The following SIK3 variants were observed in gnomAD, a reference collection of about 807,000 sequenced individuals.
The protein encoded by SIK3 is SIK family kinase 3, also known as serine/threonine-protein kinase SIK3.
SIK3 carries 28 observed loss-of-function variants against 144.2 expected under a neutral mutation model. The observed-to-expected ratio is 0.19, with a 90% CI of 0.14 to 0.27. The LOEUF is 0.27. SIK3 is among the 10% of genes least tolerant of loss of function. The pLI is 1.00. For synonymous variants in SIK3, 686 were observed against 676.3 expected (o/e 1.01, Z -0.22); for missense variants, 1,319 against 1,776.0 (o/e 0.74, Z 4.62).
At chr11:116,864,014 T>A in intron 15 of SIK3, 196 bp from the exon 16 acceptor site, 1 of 484,212 alleles carries the variant, frequency 2.1e-6, no homozygotes. Context: ...CAGGTGTACA[T>A]CTTCCATTTC....
rs773564219 is a variant in SIK3, at chr11:116,849,124, G to A, written c.3815C>T (p.Ala1272Val). 97 of 1,589,712 alleles carry A rather than the reference G, an allele frequency of 6.1e-5. 1 individual carries two copies. The Admixed American group carries it at 6.1e-4, about 10-fold the overall frequency. The change falls in exon 22 of 25, where the codon GCT becomes GTT. Residue 1272 changes from alanine to valine, a missense_variant. Coordinates refer to ENST00000445177, the MANE Select transcript of SIK3 (RefSeq NM_001366686.3). The surrounding 1 kb of genome is among the most constrained non-coding windows in gnomAD (Gnocchi z 4.2). ...RHHTIQNSDD[A>V]YVQLDNLPGM... ...CAGCAGGTGGGACCAACATACATAA[G>A]CATCGTCGCTGTTCTGGATCGTGTG...
chr11:116,937,628 C>A (rs1947991629), intron 3 of SIK3, among the ~76,000 whole-genome samples: 1 of 152,192 alleles, frequency 6.6e-6, no homozygotes, highest in Non-Finnish European at 1.5e-5. Context: ...CAATCAGTCT[C>A]TCCCCTCACT....
At chr11:116,875,103 T>G in intron 11 of SIK3, 55 bp downstream of exon 11, 2 of 1,397,846 alleles carry the variant, frequency 1.4e-6, no homozygotes, top group Non-Finnish European at 2.0e-6. Context: ...ACACTGAAAG[T>G]CAGGTGACAA....
chr11:116,912,171 A>G (rs1946383323), intron 4 of SIK3, among the ~76,000 whole-genome samples: 1 of 152,242 alleles, frequency 6.6e-6, no homozygotes, highest in Non-Finnish European at 1.5e-5. Context: ...ACAGAGCAGG[A>G]GACTTTAATT....
chr11:116,942,468 G>C (rs1948366236), intron 3 of SIK3, among the ~76,000 whole-genome samples: 1 of 151,972 alleles, frequency 6.6e-6, no homozygotes, highest in Non-Finnish European at 1.5e-5. Context: ...ACTCAAGACA[G>C]TAAAAAAACA....
chr11:116,896,431 G>T, intron 5 of SIK3, 55 bp from the exon 6 acceptor site: 2 of 1,587,688 alleles, frequency 1.3e-6, no homozygotes, highest in Middle Eastern at 1.8e-4. Flanking sequence ...AAACAAAAAA[G>T]ACTACTGTAG....
chr11:117,033,067 A>AT (rs1952332692), intron 1 of SIK3, among the ~76,000 whole-genome samples: 1 of 152,186 alleles, frequency 6.6e-6, no homozygotes, highest in African/African-American at 2.4e-5. Flanking sequence ...TTCTCCTGCC[A>AT]TCTCTCTCCA....
At chr11:117,092,346 T>C (rs1028022600) in intron 1 of SIK3, among the ~76,000 whole-genome samples, 1 of 152,108 alleles carries the variant, frequency 6.6e-6, no homozygotes, top group Non-Finnish European at 1.5e-5. Flanking sequence ...CTGTAAGGAA[T>C]CTTCTGTCTT....
chr11:117,014,630 T>C (rs1009104991), intron 1 of SIK3, among the ~76,000 whole-genome samples: 9 of 152,114 alleles, frequency 5.9e-5, no homozygotes, highest in South Asian at 2.1e-4. Flanking sequence ...GGCCAGGTAT[T>C]TCCTCAACAA....
chr11:116,986,144 C>G lies in SIK3; in HGVS notation c.274-29080G>C, dbSNP rs375669811. ...TCCTCCTTTCTCTGAAGAACAATTT[C>G]TAAAAATTATACTCTAAACTTCTGG... On this transcript the variant is annotated intron_variant, in intron 1 of 24. Transcript: ENST00000445177. 1.8e-4 allele frequency among the ~76,000 whole-genome samples: 28 copies of G among 152,286 alleles called. 2 individuals carry two copies. Among genetic ancestry groups the G allele is most frequent in the Admixed American group, 1.2e-3 (18 of 15,292 alleles).
At chr11:116,900,758 A>C (rs569648598) in intron 4 of SIK3, among the ~76,000 whole-genome samples, 1 of 152,318 alleles carries the variant, frequency 6.6e-6, no homozygotes, top group Admixed American at 6.5e-5. Flanking sequence ...GATTTCCACC[A>C]GAAAACACCA....
At chr11:117,001,737 T>C (rs932557983) in intron 1 of SIK3, among the ~76,000 whole-genome samples, 1 of 152,176 alleles carries the variant, frequency 6.6e-6, no homozygotes, top group Non-Finnish European at 1.5e-5. Flanking sequence ...ATTACAGGCA[T>C]GAACCACTGT....
chr11:116,877,876 G>C (rs1352092107), intron 6 of SIK3, among the ~76,000 whole-genome samples: 1 of 152,174 alleles, frequency 6.6e-6, no homozygotes, highest in African/African-American at 2.4e-5. Flanking sequence ...TGCATCTTCT[G>C]AGCATTTTAC....
chr11:117,082,950 A>G (rs961573445), intron 1 of SIK3, among the ~76,000 whole-genome samples: 1 of 152,180 alleles, frequency 6.6e-6, no homozygotes, highest in African/African-American at 2.4e-5. Context: ...TGATGGGCCA[A>G]AAAGGTTCCA....
chr11:117,069,965 G>A (rs184679848), intron 1 of SIK3, among the ~76,000 whole-genome samples: 163 of 152,200 alleles, frequency 1.1e-3, no homozygotes, highest in Non-Finnish European at 1.9e-3. Context: ...TACATTCTCC[G>A]CTTCCCATTT....
chr11:116,857,640 C>T (rs1254882165), intron 21 of SIK3, 170 bp downstream of exon 21: 10 of 1,118,196 alleles, frequency 8.9e-6, no homozygotes, highest in South Asian at 1.8e-5. Flanking sequence ...AAAATGGACC[C>T]CTTGCCCACC....
chr11:117,052,963 T>C (rs1263415877), intron 1 of SIK3, among the ~76,000 whole-genome samples: 2 of 152,214 alleles, frequency 1.3e-5, no homozygotes, highest in African/African-American at 4.8e-5. Context: ...GGTCCCACTG[T>C]GTACTACATA....
chr11:117,008,071 A>G, intron 1 of SIK3, among the ~76,000 whole-genome samples: 1 of 91,072 alleles, frequency 1.1e-5, no homozygotes. Context: ...GAGAGACTCC[A>G]TCTCAAAAAA....
chr11:116,901,715 ATTC>A (rs1945748887), intron 4 of SIK3, among the ~76,000 whole-genome samples: 1 of 152,124 alleles, frequency 6.6e-6, no homozygotes, highest in East Asian at 1.9e-4. Flanking sequence ...TCCTTACCTT[ATTC>A]TTCTCTCTTT....
Sources: allele counts gnomAD v4.1 joint callset (sites outside exome capture counted in the v4.1 genomes callset), GRCh38; gene constraint gnomAD v4.1.1; non-coding constraint Gnocchi (gnomAD v3.1); transcripts MANE v1.5; gene names NCBI Gene and HGNC (gene_info 2026-07-23, HGNC 2026-07-21).